The following ASTN2 variants were observed in gnomAD, a reference collection of about 807,000 sequenced individuals.
ASTN2 encodes astrotactin-2.
A neutral mutation model predicts 139.8 loss-of-function variants in ASTN2; 54 were observed. The observed-to-expected ratio is 0.39, with a 90% CI of 0.31 to 0.48. ASTN2 has a LOEUF of 0.48. Ranked by LOEUF, ASTN2 falls within the 20% of genes least tolerant of loss-of-function variation. The pLI is 0.95. For missense variants in ASTN2, 1,565 were observed against 1,725.1 expected, an observed-to-expected ratio of 0.91 and a Z score of 1.64; for synonymous variants, 756 against 719.5, an observed-to-expected ratio of 1.05 and a Z score of -0.81.
chr9:116,534,486 C>A (rs772157398), intron 19 of ASTN2, among the ~76,000 whole-genome samples: 1 of 152,154 alleles, frequency 6.6e-6, no homozygotes, highest in Non-Finnish European at 1.5e-5. Flanking sequence ...CCTGCTTTCT[C>A]TTGTGGGCAT....
In ASTN2 at chr9:116,698,648, C is replaced by T. The variant is rs575937254; in HGVS notation, c.2806+27123G>A. On this transcript the variant is annotated intron_variant, in intron 16 of 22. Coordinates refer to ENST00000313400, the MANE Select transcript of ASTN2 (RefSeq NM_001365068.1). This position sits in a 1 kb window ranked among gnomAD's most constrained non-coding sequence, Gnocchi z 4.4. ...CTGTTAAGAAGCCCCGGACAGTTAA[C>T]GTGGAAGATTCCTGGGCCATGGAGG... 8 of 1,614,132 alleles carry T rather than the reference C, an allele frequency of 5.0e-6. No homozygotes were observed. In the East Asian group the frequency reaches 6.7e-5, roughly 13 times the overall value.
chr9:117,398,759 T>G (rs914520714), intron 1 of ASTN2, among the ~76,000 whole-genome samples: 3 of 152,330 alleles, frequency 2.0e-5, no homozygotes, highest in Admixed American at 2.0e-4. Context: ...ATTGCATTAA[T>G]GTGTTACAAC....
At chr9:116,655,899 GTAT>G (rs1293620396) in intron 16 of ASTN2, among the ~76,000 whole-genome samples, 2 of 151,402 alleles carry the variant, frequency 1.3e-5, no homozygotes, top group Non-Finnish European at 1.5e-5. Flanking sequence ...TTGTTGTTTT[GTAT>G]TTTTTGGTAG....
intron 2 of ASTN2, among the ~76,000 whole-genome samples, chr9:117,257,514 A>ATTT (rs1486791702): frequency 6.6e-6 from 1 of 152,246 alleles, no homozygotes; most frequent in Non-Finnish European, 1.5e-5. Context: ...CTGAAGCTTA[A>ATTT]AGATCTCTTG....
chr9:117,158,923 C>T (rs1252948024), intron 3 of ASTN2, among the ~76,000 whole-genome samples: 3 of 151,958 alleles, frequency 2.0e-5, no homozygotes, highest in Non-Finnish European at 4.4e-5. Context: ...TGCCCACCTT[C>T]AGCAAAGTCT....
intron 19 of ASTN2, among the ~76,000 whole-genome samples, chr9:116,521,160 A>T (rs538710489): frequency 6.6e-6 from 1 of 152,210 alleles, no homozygotes; most frequent in East Asian, 1.9e-4. Context: ...ACAATCCTAA[A>T]ATCTATGTGG....
chr9:117,024,185 T>C (rs1837982205), intron 6 of ASTN2, among the ~76,000 whole-genome samples: 1 of 152,180 alleles, frequency 6.6e-6, no homozygotes, highest in African/African-American at 2.4e-5. Flanking sequence ...AATCTTTTGA[T>C]GTCTACCTCA....
Position 117,414,713 on chromosome 9 carries a change from G to T in ASTN2, c.226C>A (p.Leu76Met). The change falls in exon 1 of 23, where the codon CTG becomes ATG. Residue 76 changes from leucine to methionine, a missense_variant. Leu to Met is a conservative substitution (Grantham distance 15). Around this residue, in one of 4 missense-constraint regions of ASTN2, gnomAD observed 596 missense variants for 576.8 expected, o/e 1.03. Transcript: ENST00000313400. The surrounding 1 kb of genome is among the most constrained non-coding windows in gnomAD (Gnocchi z 4.2). ...CTCCAGCCGATGTCGCTCTCCCGCA[G>T]GGCGGGCAGTGTGGACACCGTGACG... ...KTVTVSTLPA[L>M]RESDIGWSGA... is the part of the protein sequence containing the mutation. The T allele has an allele frequency of 7.9e-7, 1 of 1,272,340 alleles. No homozygotes were observed. Among genetic ancestry groups the T allele is most frequent in the South Asian group, 2.3e-5 (1 of 42,676 alleles). 78.8% of individuals were successfully genotyped at this position (1,272,340 alleles called of 1,614,324 possible).
chr9:117,370,536 C>G (rs1273360533), intron 1 of ASTN2, among the ~76,000 whole-genome samples: 1 of 152,138 alleles, frequency 6.6e-6, no homozygotes, highest in Non-Finnish European at 1.5e-5. Flanking sequence ...TTACCTAATT[C>G]AGTCATCTGA....
chr9:117,142,592 T>A (rs1478565098), intron 3 of ASTN2, among the ~76,000 whole-genome samples: 1 of 152,144 alleles, frequency 6.6e-6, no homozygotes, highest in African/African-American at 2.4e-5. Context: ...GAATTGTTAG[T>A]AGCCACATTT....
At chr9:117,184,954 G>A (rs1329519048) in intron 3 of ASTN2, among the ~76,000 whole-genome samples, 2 of 152,106 alleles carry the variant, frequency 1.3e-5, no homozygotes, top group Admixed American at 6.5e-5. Flanking sequence ...CCTGAGAAGA[G>A]TCCAACACTA....
At position 116,863,613 on chromosome 9, in the gene ASTN2, A is replaced by G; in HGVS notation, c.2010T>C (p.Ser670=). Residue 670 remains serine, a synonymous_variant, in exon 11 of 23, where the codon TCT becomes TCC. Coordinates refer to ENST00000313400, the MANE Select transcript of ASTN2 (RefSeq NM_001365068.1). ...ATCCCGAGGAATCCACCTGCCGGTC[A>G]GACACACACTTGAAGTTGCGAGTGC... ...GGCTRNFKCV[S]DRQVDSSGCV... is the part of the protein sequence containing the mutation. The G allele has an allele frequency of 6.2e-7, 1 of 1,614,200 alleles. No homozygotes were observed. The highest frequency in any genetic ancestry group is 1.1e-5 in the South Asian group (1 of 91,080).
At chr9:117,191,247 CT>C (rs1458162329) in intron 3 of ASTN2, among the ~76,000 whole-genome samples, 1 of 133,778 alleles carries the variant, frequency 7.5e-6, no homozygotes, top group Admixed American at 7.6e-5. Context: ...AAAAAAAAAG[CT>C]GCTAAAATGT....
intron 13 of ASTN2, among the ~76,000 whole-genome samples, chr9:116,766,318 C>T (rs1469120364): frequency 1.3e-5 from 2 of 151,920 alleles, no homozygotes; most frequent in Admixed American, 6.6e-5. Flanking sequence ...ATACACTTAA[C>T]CACACATGGT....
intron 2 of ASTN2, among the ~76,000 whole-genome samples, chr9:117,225,570 T>C (rs1444356555): frequency 3.4e-5 from 4 of 116,076 alleles, no homozygotes; most frequent in Non-Finnish European, 5.2e-5. Context: ...TATATATATA[T>C]ATATACAGAT....
intron 5 of ASTN2, among the ~76,000 whole-genome samples, chr9:117,057,900 T>A (rs1195233205): frequency 6.6e-6 from 1 of 152,204 alleles, no homozygotes; most frequent in African/African-American, 2.4e-5. Context: ...TAGGCATAAC[T>A]ATAACTTAGT....
intron 4 of ASTN2, among the ~76,000 whole-genome samples, chr9:117,115,852 C>A (rs1015520493): frequency 6.6e-5 from 10 of 151,776 alleles, no homozygotes; most frequent in Non-Finnish European, 1.5e-4. Flanking sequence ...GGTGAAAACC[C>A]GTCTCTACTA....
At chr9:116,957,049 A>ATTTC (rs1835728218) in intron 10 of ASTN2, among the ~76,000 whole-genome samples, 9 of 141,786 alleles carry the variant, frequency 6.3e-5, no homozygotes, top group Non-Finnish European at 3.1e-5. Flanking sequence ...TTCCCAGTTA[A>ATTTC]TTTTTTTTTT....
rs148724828 is a variant in ASTN2, at chr9:116,933,979, C to CTTTTTTTTTTTTTTTTTTT, written c.1889+41210_1889+41228dup. Among the ~76,000 whole-genome samples the CTTTTTTTTTTTTTTTTTTT allele has an allele frequency of 1.3e-3, 114 of 86,884 alleles. 18 individuals carry two copies. The highest frequency in any genetic ancestry group is 2.4e-3 in the African/African-American group (51 of 21,162). The allele number at this position is 86,884 out of a possible 152,430, so 57.0% of individuals were successfully genotyped here. On this transcript the variant is annotated intron_variant, in intron 10 of 22. Coordinates refer to ENST00000313400, the MANE Select transcript of ASTN2 (RefSeq NM_001365068.1). The stretch of plus-strand genomic sequence containing the variant: ...ACCTCAGTTGTGCGAAGTGTTAGTC[C>CTTTTTTTTTTTTTTTTTTT]TTTTTTTTTTTTTTTTTTTTTTTCT...
Sources: gnomAD v4.1 joint callset for allele counts (sites outside exome capture counted in the v4.1 genomes callset) on GRCh38, gnomAD v4.1.1 for gene constraint, gnomAD v4.1.1 regional missense constraint, Gnocchi (gnomAD v3.1) non-coding constraint, MANE v1.5 for transcripts, NCBI Gene and HGNC (gene_info 2026-07-23, HGNC 2026-07-21) for gene names.